ACVR2A: variants seen among roughly 807,000 people sequenced by gnomAD.
The protein encoded by ACVR2A is activin A receptor type 2A.
A neutral mutation model predicts 61.4 loss-of-function variants in ACVR2A; 7 were observed. The observed-to-expected ratio is 0.11, with a 90% CI of 0.06 to 0.21. ACVR2A has a LOEUF of 0.21. Among genes scored for constraint, ACVR2A ranks in the 10% least tolerant of loss-of-function variants. The probability of loss-of-function intolerance (pLI) is 1.00; values close to 1 mark genes in which losing one functional copy is unlikely to be tolerated. For missense variants in ACVR2A, 322 were observed against 621.7 expected (o/e 0.52, Z 5.13); for synonymous variants, 193 against 208.3 (o/e 0.93, Z 0.63).
At chr2:147,877,535 T>C (rs553411424) in intron 1 of ACVR2A, 8 of 152,326 alleles carry the variant, frequency 5.3e-5, no homozygotes, top group African/African-American at 1.7e-4. Context: ...AAGAAAGATA[T>C]ATCACCTTGT....
intron 4 of ACVR2A, among the ~76,000 whole-genome samples, chr2:147,911,487 A>G (rs1009199011): frequency 6.6e-6 from 1 of 151,900 alleles, no homozygotes; most frequent in Admixed American, 6.6e-5. Flanking sequence ...TTTTCATTTC[A>G]TTCTGGATAT....
intron 1 of ACVR2A, among the ~76,000 whole-genome samples, chr2:147,893,691 A>G (rs1686647722): frequency 6.6e-6 from 1 of 152,142 alleles, no homozygotes; most frequent in Non-Finnish European, 1.5e-5. Flanking sequence ...CAAAGGACCT[A>G]TTTGAATCTT....
intron 1 of ACVR2A, among the ~76,000 whole-genome samples, chr2:147,889,581 A>G (rs963561659): frequency 1.3e-5 from 2 of 151,880 alleles, no homozygotes; most frequent in Non-Finnish European, 2.9e-5. Flanking sequence ...TGTTTCCACT[A>G]AAAATACAAA....
At chr2:147,846,300 T>G (rs1269779246) in intron 1 of ACVR2A, among the ~76,000 whole-genome samples, 1 of 151,152 alleles carries the variant, frequency 6.6e-6, no homozygotes, top group Non-Finnish European at 1.5e-5. Flanking sequence ...CGGGGGCGAA[T>G]TGACAGGTTT....
Position 147,927,892 on chromosome 2 carries a change from A to C in ACVR2A, c.*618A>C, listed in dbSNP as rs1687542133. 1 of 152,352 alleles carries C rather than the reference A, an allele frequency of 6.6e-6. No individual in the cohort carries two copies. The highest frequency in any genetic ancestry group is 2.4e-5 in the African/African-American group (1 of 41,402). 9.4% of individuals were successfully genotyped at this position (152,352 alleles called of 1,614,324 possible). On this transcript the variant is annotated 3_prime_UTR_variant, in exon 11 of 11. Coordinates refer to ENST00000241416, the MANE Select transcript of ACVR2A (RefSeq NM_001616.5). Reference sequence around the variant, plus strand: ...TCAGTTCCACGGTTGCTAAATTATAAAATTGAAAACACTAACAAAATTTGA... The same window carrying C: ...TCAGTTCCACGGTTGCTAAATTATACAATTGAAAACACTAACAAAATTTGA...
intron 1 of ACVR2A, among the ~76,000 whole-genome samples, chr2:147,890,953 CT>C (rs1193291521): frequency 6.6e-6 from 1 of 152,098 alleles, no homozygotes; most frequent in Admixed American, 6.5e-5. Context: ...AAAAATACCA[CT>C]CTAGTTTAGA....
chr2:147,863,037 A>G (rs563375887), intron 1 of ACVR2A, among the ~76,000 whole-genome samples: 3 of 152,172 alleles, frequency 2.0e-5, no homozygotes, highest in South Asian at 4.1e-4. Context: ...CATTTTATAG[A>G]TAAGGAAACT....
intron 9 of ACVR2A, among the ~76,000 whole-genome samples, chr2:147,925,210 C>CTG (rs1687474282): frequency 6.6e-6 from 1 of 151,938 alleles, no homozygotes; most frequent in South Asian, 2.1e-4. Flanking sequence ...CGTTTAACAG[C>CTG]TGTATGTCTT....
rs776486448 is a variant in ACVR2A at position 147,922,999 on chromosome 2, A to T, written c.1104A>T (p.Pro368=). 2 of 1,612,802 alleles carry T rather than the reference A, an allele frequency of 1.2e-6. No homozygotes were observed. Among genetic ancestry groups the T allele is most frequent in the Non-Finnish European group, 1.7e-6 (2 of 1,179,362 alleles). ...GQVGTRRYMA[P]EVLEGAINFQ... ...TTGGTACCCGGAGGTACATGGCTCC[A>T]GAGGTATTAGAGGGTGCTATAAACT... The change falls in exon 9 of 11, where the codon CCA becomes CCT. Residue 368 remains proline, a synonymous_variant. Coordinates refer to ENST00000241416, the MANE Select transcript of ACVR2A (RefSeq NM_001616.5).
At chr2:147,891,766 A>C (rs1250842669) in intron 1 of ACVR2A, among the ~76,000 whole-genome samples, 4 of 152,208 alleles carry the variant, frequency 2.6e-5, no homozygotes, top group Admixed American at 2.6e-4. Flanking sequence ...TGAAATATTT[A>C]CTGTCTGAAT....
chr2:147,866,609 A>T (rs1685861693), intron 1 of ACVR2A, among the ~76,000 whole-genome samples: 1 of 152,168 alleles, frequency 6.6e-6, no homozygotes, highest in Admixed American at 6.5e-5. Flanking sequence ...TGGAGCAGTA[A>T]TGGGAGACGA....
chr2:147,845,296 T>C, intron 1 of ACVR2A, 89 bp downstream of exon 1: 1 of 1,223,064 alleles, frequency 8.2e-7, no homozygotes, highest in Non-Finnish European at 1.1e-6. Context: ...AGTCGGAGAG[T>C]CCAGTGGAGC....
chr2:147,926,996 C>G (rs1573718528), intron 10 of ACVR2A, 84 bp from the exon 11 acceptor site: 4 of 1,299,098 alleles, frequency 3.1e-6, no homozygotes, highest in Non-Finnish European at 4.3e-6. Flanking sequence ...AGAAAAATAG[C>G]CATTTCTTCA....
chr2:147,895,770 G>C (rs1362866186), intron 1 of ACVR2A, among the ~76,000 whole-genome samples: 2 of 152,102 alleles, frequency 1.3e-5, no homozygotes, highest in African/African-American at 4.8e-5. Flanking sequence ...TATATAATAT[G>C]TATAACATAG....
chr2:147,888,037 A>G lies in ACVR2A; in HGVS notation c.56-8264A>G, dbSNP rs1372172950. ...CATTCAAAATGTATTTGCCTGAACCATGTCTGATTGCTCCAGCTCCATTTG... is the reference window on the plus strand; with the variant it reads ...CATTCAAAATGTATTTGCCTGAACCGTGTCTGATTGCTCCAGCTCCATTTG... On this transcript the variant is annotated intron_variant, in intron 1 of 10. Coordinates refer to ENST00000241416, the MANE Select transcript of ACVR2A (RefSeq NM_001616.5). Among the ~76,000 whole-genome samples the G allele has an allele frequency of 3.9e-5, 6 of 152,278 alleles. No homozygotes were observed. The East Asian group carries it at 7.7e-4, about 20-fold the overall frequency.
At chr2:147,910,883 T>C (rs1296253795) in intron 4 of ACVR2A, among the ~76,000 whole-genome samples, 2 of 152,148 alleles carry the variant, frequency 1.3e-5, no homozygotes, top group Non-Finnish European at 2.9e-5. Flanking sequence ...TTTTACTTAA[T>C]TCTGATGATC....
At chr2:147,889,085 T>C (rs1476900737) in intron 1 of ACVR2A, among the ~76,000 whole-genome samples, 1 of 152,170 alleles carries the variant, frequency 6.6e-6, no homozygotes, top group Non-Finnish European at 1.5e-5. Flanking sequence ...TTTTCACTTT[T>C]AGTCTGTTGA....
chr2:147,854,074 A>C (rs944581012), intron 1 of ACVR2A, among the ~76,000 whole-genome samples: 19 of 152,308 alleles, frequency 1.2e-4, no homozygotes, highest in African/African-American at 3.6e-4. Flanking sequence ...TAAAACATTA[A>C]AAAATATAGA....
chr2:147,895,855 G>C (rs979923467), intron 1 of ACVR2A, among the ~76,000 whole-genome samples: 2 of 152,086 alleles, frequency 1.3e-5, no homozygotes, highest in African/African-American at 2.4e-5. Context: ...GAAAGTTTTT[G>C]GGGAGTCAAA....
Sources: gnomAD v4.1 joint callset for allele counts (sites outside exome capture counted in the v4.1 genomes callset) on GRCh38, gnomAD v4.1.1 for gene constraint, MANE v1.5 for transcripts, NCBI Gene and HGNC (gene_info 2026-07-23, HGNC 2026-07-21) for gene names.